Variants in RABGAP1L observed in about 807,000 individuals in gnomAD.
The protein encoded by RABGAP1L is RAB GTPase activating protein 1 like, also known as rab GTPase-activating protein 1-like.
RABGAP1L carries 63 observed loss-of-function variants against 137.7 expected under a neutral mutation model. That is an observed-to-expected ratio of 0.46 (90% CI 0.37 to 0.56). The LOEUF (loss-of-function observed/expected upper bound fraction) is 0.56, where lower values mean the gene tolerates loss of function less well. Ranked by LOEUF, RABGAP1L falls within the 20% of genes least tolerant of loss-of-function variation. The pLI is 0.00. For missense variants in RABGAP1L, 1,095 were observed against 1,244.0 expected, an observed-to-expected ratio of 0.88 and a Z score of 1.80; for synonymous variants, 431 against 433.7, an observed-to-expected ratio of 0.99 and a Z score of 0.08.
chr1:174,699,466 T>C (rs1679491554), intron 15 of RABGAP1L, 59 bp from the exon 16 acceptor site: 19 of 1,526,032 alleles, frequency 1.2e-5, no homozygotes, highest in Non-Finnish European at 1.6e-5. Flanking sequence ...AAGGAACTTT[T>C]TTGACATTCT....
rs1255556223 is a variant in RABGAP1L, at chr1:174,842,246, C to G, written c.2340+30286C>G. On this transcript the variant is annotated intron_variant, in intron 19 of 25. Coordinates refer to ENST00000681986, the MANE Select transcript of RABGAP1L (RefSeq NM_001366446.1). The stretch of plus-strand genomic sequence containing the variant: ...TTGAATTCTTCAGCATCTTCTATAT[C>G]ATTTCCAGGGGCATCTCTGGGAAGT... Among the ~76,000 whole-genome samples, 5 of 152,288 alleles carry G rather than the reference C, an allele frequency of 3.3e-5. No individual in the cohort carries two copies. In the East Asian group the frequency reaches 9.6e-4, roughly 29 times the overall value.
chr1:174,485,792 G>A lies in RABGAP1L; in HGVS notation c.1710+91647G>A, dbSNP rs569165791. On this transcript the variant is annotated intron_variant, in intron 13 of 25. Coordinates refer to ENST00000681986, the MANE Select transcript of RABGAP1L (RefSeq NM_001366446.1). ...CAATATTCATCAATGATATTGGCCTGTAATTTCCTTTTTTGATGTGTCTTT... is the reference window on the plus strand; with the variant it reads ...CAATATTCATCAATGATATTGGCCTATAATTTCCTTTTTTGATGTGTCTTT... 2.0e-5 allele frequency among the ~76,000 whole-genome samples: 3 copies of A among 152,302 alleles called. No individual in the cohort carries two copies. The South Asian group carries it at 6.2e-4, about 32-fold the overall frequency.
chr1:174,333,717 G>C (rs1362285314), intron 11 of RABGAP1L, among the ~76,000 whole-genome samples: 2 of 152,158 alleles, frequency 1.3e-5, no homozygotes, highest in Non-Finnish European at 2.9e-5. Flanking sequence ...TTACTATCAT[G>C]GTAGTTTTTA....
intron 14 of RABGAP1L, among the ~76,000 whole-genome samples, chr1:174,650,097 G>A (rs1572680526): frequency 6.6e-6 from 1 of 152,140 alleles, no homozygotes; most frequent in Non-Finnish European, 1.5e-5. Context: ...ATAATCATGT[G>A]GTTTTTATCT....
At chr1:174,538,237 T>C (rs1288306474) in intron 13 of RABGAP1L, among the ~76,000 whole-genome samples, 3 of 152,192 alleles carry the variant, frequency 2.0e-5, no homozygotes, top group African/African-American at 7.2e-5. Flanking sequence ...AAATGCCTAG[T>C]CCCTCTTAGG....
chr1:174,619,621 A>C (rs1280714860), intron 13 of RABGAP1L, among the ~76,000 whole-genome samples: 2 of 152,246 alleles, frequency 1.3e-5, no homozygotes, highest in Non-Finnish European at 2.9e-5. Context: ...GCCTGCCCTA[A>C]AAGAGCTCCT....
At chr1:174,278,850 A>G (rs1425437031) in intron 10 of RABGAP1L, 71 bp downstream of exon 10, 21 of 1,229,226 alleles carry the variant, frequency 1.7e-5, no homozygotes, top group African/African-American at 1.6e-5. Context: ...TTTAATGCCA[A>G]GATAATTCCT....
At chr1:174,364,961 G>C (rs779552162) in intron 11 of RABGAP1L, among the ~76,000 whole-genome samples, 101 of 152,128 alleles carry the variant, frequency 6.6e-4, no homozygotes, top group Non-Finnish European at 8.4e-4. Context: ...TCACGACTCT[G>C]CCCATTACCT....
chr1:174,260,309 C>T (rs1413739607), intron 7 of RABGAP1L, among the ~76,000 whole-genome samples: 1 of 152,074 alleles, frequency 6.6e-6, no homozygotes, highest in East Asian at 1.9e-4. Context: ...TAAAATTAAG[C>T]CAGTTTGAAG....
rs71701825 is a variant in RABGAP1L, at chr1:174,664,734, CTTTTTTT to C, written c.1825-18773_1825-18767del. On this transcript the variant is annotated intron_variant, in intron 14 of 25. Transcript: ENST00000681986. Reference sequence around the variant, plus strand: ...CTCTTTCTTTCTTTCTTTCTGCTTTCTTTTTTTTTTTTTTTTTTTTTGACAGAGTTTT... The same window carrying C: ...CTCTTTCTTTCTTTCTTTCTGCTTTCTTTTTTTTTTTTTTGACAGAGTTTT... Among the ~76,000 whole-genome samples the C allele has an allele frequency of 6.6e-3, 641 of 97,578 alleles. 15 individuals are homozygous for C. The highest frequency in any genetic ancestry group is 0.031 in the African/African-American group (603 of 19,358). 64.0% of individuals were successfully genotyped at this position (97,578 alleles called of 152,430 possible).
intron 13 of RABGAP1L, among the ~76,000 whole-genome samples, chr1:174,427,305 T>C (rs932894335): frequency 3.9e-5 from 6 of 152,170 alleles, no homozygotes; most frequent in Admixed American, 3.9e-4. Flanking sequence ...ATTCAGTTTT[T>C]AATCAAATTT....
chr1:174,561,068 A>G (rs1667179586), intron 13 of RABGAP1L, among the ~76,000 whole-genome samples: 1 of 152,224 alleles, frequency 6.6e-6, no homozygotes, highest in Admixed American at 6.5e-5. Context: ...GTGTTTTGTA[A>G]TAAAGTTTGT....
chr1:174,446,361 TTGG>T (rs1407227074), intron 13 of RABGAP1L, among the ~76,000 whole-genome samples: 2 of 152,216 alleles, frequency 1.3e-5, no homozygotes, highest in Non-Finnish European at 2.9e-5. Flanking sequence ...CCTGAATGAC[TTGG>T]TGGTGCACCA....
rs764032898 is a variant in RABGAP1L, at chr1:174,237,410, G to A, written c.543-4073G>A. On this transcript the variant is annotated intron_variant, in intron 4 of 25. Transcript: ENST00000681986. ...GCATGATTTTGCAGCGGCTGGTACC[G>A]GTTGTTCCTTTCCATGTTTAGCGCT... 8.5e-5 allele frequency among the ~76,000 whole-genome samples: 6 copies of A among 70,966 alleles called. No individual in the cohort carries two copies. In the East Asian group the frequency reaches 1.0e-3, roughly 12 times the overall value. 46.6% of individuals were successfully genotyped at this position (70,966 alleles called of 152,430 possible). A position where few individuals can be genotyped will look rare whatever the true frequency, so the allele number is the denominator to read the frequency against.
At chr1:174,585,370 C>T (rs991090719) in intron 13 of RABGAP1L, among the ~76,000 whole-genome samples, 1 of 152,150 alleles carries the variant, frequency 6.6e-6, no homozygotes, top group African/African-American at 2.4e-5. Flanking sequence ...TCCTGTCCAC[C>T]TGCTACCTCA....
intron 13 of RABGAP1L, among the ~76,000 whole-genome samples, chr1:174,475,366 A>G (rs1658390927): frequency 6.6e-6 from 1 of 152,090 alleles, no homozygotes; most frequent in Admixed American, 6.6e-5. Context: ...GTTATTTTAT[A>G]TCTTCTCAGA....
intron 1 of RABGAP1L, among the ~76,000 whole-genome samples, chr1:174,216,599 T>TC (rs1034516555): frequency 6.4e-5 from 9 of 140,190 alleles, no homozygotes; most frequent in African/African-American, 2.2e-4. Context: ...TTTTTTTTTT[T>TC]GTCCATGTGG....
chr1:174,262,613 C>T (rs1418341917), intron 7 of RABGAP1L, among the ~76,000 whole-genome samples: 3 of 152,176 alleles, frequency 2.0e-5, no homozygotes, highest in Non-Finnish European at 4.4e-5. Context: ...TTGCAGACCT[C>T]TATTGCAGCT....
At chr1:174,738,274 G>A (rs1277148657) in intron 17 of RABGAP1L, among the ~76,000 whole-genome samples, 1 of 152,150 alleles carries the variant, frequency 6.6e-6, no homozygotes, top group East Asian at 1.9e-4. Context: ...TAATCAGAAA[G>A]ACACTTCACT....
Sources: gnomAD v4.1 joint callset for allele counts (sites outside exome capture counted in the v4.1 genomes callset) on GRCh38, gnomAD v4.1.1 for gene constraint, MANE v1.5 for transcripts, NCBI Gene and HGNC (gene_info 2026-07-23, HGNC 2026-07-21) for gene names.